Variants in SLC36A1 observed in about 807,000 individuals in gnomAD.
SLC36A1 encodes the protein proton-coupled amino acid transporter 1.
A neutral mutation model predicts 47.5 loss-of-function variants in SLC36A1; 30 were observed. That is an observed-to-expected ratio of 0.63 (90% CI 0.47 to 0.86). The LOEUF (loss-of-function observed/expected upper bound fraction) is 0.86. SLC36A1 is among the 40% of genes least tolerant of loss of function. The pLI, the probability that SLC36A1 is intolerant of heterozygous loss-of-function variation, is 0.00. For synonymous variants in SLC36A1, 255 were observed against 249.7 expected (o/e 1.02, Z -0.20); for missense variants, 517 against 606.0 (o/e 0.85, Z 1.54).
intron 7 of SLC36A1, among the ~76,000 whole-genome samples, chr5:151,468,595 G>A (rs997172897): frequency 2.0e-5 from 3 of 151,274 alleles, no homozygotes; most frequent in Non-Finnish European, 4.4e-5. Flanking sequence ...GGGGTGTTTA[G>A]CAGCATCTCT....
chr5:151,545,927 T>C, the SLC36A1 span: 1 of 1,614,208 alleles, frequency 6.2e-7, no homozygotes, highest in Admixed American at 1.7e-5. Context: ...CCTGCCATAT[T>C]GCTGCCTCGG....
At chr5:151,468,285 A>ATATATG (rs1756831544) in intron 7 of SLC36A1, among the ~76,000 whole-genome samples, 1 of 102,202 alleles carries the variant, frequency 9.8e-6, no homozygotes, top group African/African-American at 4.1e-5. Context: ...ATATATATAT[A>ATATATG]TATATATATT....
Position 151,463,655 on chromosome 5 carries a change from C to A in SLC36A1, c.234+12C>A. On this transcript the variant is annotated intron_variant, in intron 3 of 10. Transcript: ENST00000243389. ...ATGCAGGCATCGTGGTAAGGGTCTG[C>A]ATCAGTGGAGAGGAGTGGTGACAAA... is the stretch of plus-strand genomic sequence containing the variant. 1 of 1,610,074 alleles carries A rather than the reference C, an allele frequency of 6.2e-7. No homozygotes were observed. The highest frequency in any genetic ancestry group is 8.5e-7 in the Non-Finnish European group (1 of 1,176,360).
At chr5:151,546,345 A>G in the SLC36A1 span, 3 of 1,604,900 alleles carry the variant, frequency 1.9e-6, no homozygotes, top group Non-Finnish European at 2.6e-6. Flanking sequence ...TCCCTGAAAC[A>G]GAAGACAAGA....
At chr5:151,554,330 C>T in the SLC36A1 span, 57 of 1,586,900 alleles carry the variant, frequency 3.6e-5, no homozygotes, top group African/African-American at 7.0e-4. Context: ...GCATGCCACT[C>T]CTCCCTCCGT....
chr5:151,371,103 C>A, the SLC36A1 span, among the ~76,000 whole-genome samples: 4 of 152,082 alleles, frequency 2.6e-5, no homozygotes, highest in Admixed American at 2.6e-4. Flanking sequence ...AGCACACCTC[C>A]CTTATGTAAC....
upstream of SLC36A1, chr5:151,436,927 T>A (rs1432465038): frequency 1.5e-4 from 23 of 152,086 alleles, 1 homozygote; most frequent in Admixed American, 1.5e-3. Flanking sequence ...ACATCCTCAC[T>A]TTTTCAGTGG....
chr5:151,525,050 A>G, the SLC36A1 span, among the ~76,000 whole-genome samples: 1 of 152,226 alleles, frequency 6.6e-6, no homozygotes, highest in Admixed American at 6.5e-5. Flanking sequence ...ACCCTCTGCT[A>G]TGTTCCTAGC....
chr5:151,359,030 C>G, the SLC36A1 span, among the ~76,000 whole-genome samples: 12,001 of 150,822 alleles, frequency 0.08, 1,175 homozygotes, highest in African/African-American at 0.24. Context: ...AAGTCCCACC[C>G]CGGAGTGTTG....
chr5:151,539,444 A>T, the SLC36A1 span, among the ~76,000 whole-genome samples: 3 of 152,154 alleles, frequency 2.0e-5, no homozygotes, highest in Non-Finnish European at 4.4e-5. Context: ...TGTGTGGGTG[A>T]GTATATGGTT....
the SLC36A1 span, chr5:151,504,794 A>T: frequency 6.6e-6 from 1 of 152,636 alleles, no homozygotes; most frequent in Non-Finnish European, 1.5e-5. Flanking sequence ...TTAACAAAGA[A>T]GGTTCAGAGC....
chr5:151,424,991 C>T, the SLC36A1 span, among the ~76,000 whole-genome samples: 631 of 152,166 alleles, frequency 4.1e-3, 3 homozygotes, highest in Non-Finnish European at 5.8e-3. Context: ...ATAAAGGATA[C>T]CTCAACAAAG....
chr5:151,352,786 A>G, the SLC36A1 span, among the ~76,000 whole-genome samples: 3 of 152,190 alleles, frequency 2.0e-5, no homozygotes, highest in Non-Finnish European at 4.4e-5. Context: ...GTCTGTAGTC[A>G]AATCTCCCTT....
chr5:151,496,883 CA>C (rs1457839634), downstream of SLC36A1, among the ~76,000 whole-genome samples: 1 of 152,092 alleles, frequency 6.6e-6, no homozygotes, highest in African/African-American at 2.4e-5. Flanking sequence ...TTCTTTGGAG[CA>C]ATTATAAATG....
At chr5:151,384,229 A>C in the SLC36A1 span, among the ~76,000 whole-genome samples, 4 of 152,170 alleles carry the variant, frequency 2.6e-5, no homozygotes, top group Non-Finnish European at 4.4e-5. Flanking sequence ...GGGAGATCCA[A>C]CATGTATCCT....
In SLC36A1 at chr5:151,451,671, C is replaced by T. The variant is rs572932570; in HGVS notation, c.-6+3858C>T. On this transcript the variant is annotated intron_variant, in intron 1 of 10. Transcript: ENST00000243389. ...TTATTTTTTCCTCCTATCTTCATAA[C>T]AATATTGTGATGTAGATGTTATTAA... Among the ~76,000 whole-genome samples the T allele has an allele frequency of 1.3e-4, 20 of 152,236 alleles. No individual in the cohort carries two copies. In the South Asian group the frequency reaches 3.9e-3, roughly 30 times the overall value.
At chr5:151,398,816 G>A in the SLC36A1 span, among the ~76,000 whole-genome samples, 1 of 152,188 alleles carries the variant, frequency 6.6e-6, no homozygotes, top group Non-Finnish European at 1.5e-5. Context: ...GGACAATCAT[G>A]TCACTTTTAG....
the SLC36A1 span, among the ~76,000 whole-genome samples, chr5:151,538,229 GAGA>G: frequency 2.0e-5 from 3 of 152,192 alleles, no homozygotes; most frequent in Admixed American, 6.5e-5. Context: ...AGAGAGAATG[GAGA>G]AGTTCTGTCA....
chr5:151,507,571 G>A, the SLC36A1 span: 1 of 1,613,624 alleles, frequency 6.2e-7, no homozygotes, highest in South Asian at 1.1e-5. Flanking sequence ...GGAGTGACTA[G>A]GCAGTGTCCT....
Sources: allele counts gnomAD v4.1 joint callset (sites outside exome capture counted in the v4.1 genomes callset), GRCh38; gene constraint gnomAD v4.1.1; transcripts MANE v1.5; gene names NCBI Gene and HGNC (gene_info 2026-07-23, HGNC 2026-07-21).